Variants in SELENOO observed in about 807,000 individuals in gnomAD.
SELENOO encodes the protein selenoprotein O.
Under a neutral mutation model 58.7 loss-of-function variants are expected in SELENOO, and 74 were observed. The ratio of observed to expected loss-of-function variants is 1.26; its 90% confidence interval spans 1.04 to 1.53. SELENOO has a LOEUF of 1.53. Among genes scored for constraint, SELENOO ranks in the 40% most tolerant of loss-of-function variants. The pLI is 0.00. For synonymous variants in SELENOO, 543 were observed against 453.2 expected, an observed-to-expected ratio of 1.20 and a Z score of -2.52; for missense variants, 1,149 against 970.0, an observed-to-expected ratio of 1.18 and a Z score of -2.45.
rs1352077663 is a variant in SELENOO, at chr22:50,210,886, G to A, written c.1326G>A (p.Lys442=). The change falls in exon 5 of 9, where the codon AAG becomes AAA. Residue 442 remains lysine (K), a synonymous_variant. Transcript: ENST00000380903. ...ELEEDGALVS[K]LLETMHLTGA... ...AGGAAGACGGGGCGCTGGTGTCCAA[G>A]CTCCTGGAGACCATGCATCTGACCG... The A allele has an allele frequency of 6.2e-7, 1 of 1,614,124 alleles. No individual in the cohort carries two copies.
intron 3 of SELENOO, among the ~76,000 whole-genome samples, chr22:50,209,734 G>T (rs915270296): frequency 2.0e-5 from 3 of 152,178 alleles, no homozygotes; most frequent in Non-Finnish European, 4.4e-5. Flanking sequence ...CCCCCCTGTT[G>T]ATTGGCCCCT....
intron 1 of SELENOO, chr22:50,205,819 C>T (rs1007102051): frequency 2.4e-5 from 4 of 169,414 alleles, no homozygotes; most frequent in South Asian, 2.7e-4. Context: ...CCAGCGCTGT[C>T]GGAGCCTCGG....
intron 5 of SELENOO, among the ~76,000 whole-genome samples, chr22:50,214,042 C>CGTTTACAT (rs2064389563): frequency 6.6e-6 from 1 of 152,192 alleles, no homozygotes; most frequent in African/African-American, 2.4e-5. Context: ...ATTCTGCCAA[C>CGTTTACAT]GTTTACATTT....
chr22:50,208,215 A>G (rs1271397837), intron 2 of SELENOO, among the ~76,000 whole-genome samples: 1 of 152,112 alleles, frequency 6.6e-6, no homozygotes, highest in East Asian at 1.9e-4. Context: ...GTGGATCACG[A>G]GGTCAGGAGT....
chr22:50,210,778 G>C lies in SELENOO; in HGVS notation c.1218G>C (p.Leu406=). Residue 406 remains leucine (L), a synonymous_variant, in exon 5 of 9, where the codon CTG becomes CTC. Transcript: ENST00000380903. ...CCCTGGAGCTGGGGGAGGCCATCCT[G>C]GCCGAGGAGTTTGACGCCGAGTTCC... ...ELPLELGEAI[L]AEEFDAEFQR... 6.2e-7 allele frequency: 1 copy of C among 1,613,876 alleles called. No homozygotes were observed. The highest frequency in any genetic ancestry group is 8.5e-7 in the Non-Finnish European group (1 of 1,180,032).
chr22:50,213,394 C>G (rs1346854064), intron 5 of SELENOO, among the ~76,000 whole-genome samples: 1 of 152,110 alleles, frequency 6.6e-6, no homozygotes, highest in African/African-American at 2.4e-5. Context: ...AGCTTCATTC[C>G]ATTGTGACTA....
Position 50,217,278 on chromosome 22 carries a change from C to T in SELENOO, c.1919C>T (p.Thr640Met), listed in dbSNP as rs372550959. The T allele has an allele frequency of 2.4e-4, 393 of 1,612,262 alleles. 1 individual carries two copies. Among genetic ancestry groups the T allele is most frequent in the Admixed American group, 1.7e-4 (10 of 59,870 alleles). The part of the protein sequence containing the change: ...EAGAATDAEA[T>M]EADGADGRQR... Reference sequence around the variant, plus strand: ...GGGGCCGCCACAGACGCCGAGGCCACGGAAGCCGACGGGGCGGACGGCAGG... The same window carrying T: ...GGGGCCGCCACAGACGCCGAGGCCATGGAAGCCGACGGGGCGGACGGCAGG... The change falls in exon 9 of 9, where the codon ACG (threonine) becomes ATG (methionine). Residue 640 changes from threonine (T) to methionine (M), a missense_variant. Physicochemically the swap from Thr to Met is moderately conservative, Grantham distance 81 (BLOSUM62 -1). Transcript: ENST00000380903.
chr22:50,201,056 C>T lies in SELENOO; in HGVS notation c.20C>T (p.Ala7Val), dbSNP rs747989802. The T allele has an allele frequency of 4.4e-5, 59 of 1,348,738 alleles. No homozygotes were observed. In the East Asian group the frequency reaches 5.9e-4, roughly 14 times the overall value. The allele number at this position is 1,348,738 out of a possible 1,614,324, so 83.5% of individuals were successfully genotyped here. A position where few individuals can be genotyped will look rare whatever the true frequency, so the allele number is the denominator to read the frequency against. MAVYRAALGASLAAARL... is the reference protein window; with the variant it reads MAVYRAVLGASLAAARL... The stretch of plus-strand genomic sequence containing the variant: ...CCGCGGATGGCCGTATACAGGGCAG[C>T]GCTCGGGGCTTCGCTCGCGGCTGCC... The change falls in exon 1 of 9, where the codon GCG (alanine) becomes GTG (valine). Residue 7 changes from alanine (A) to valine (V), a missense_variant. Transcript: ENST00000380903.
chr22:50,214,445 C>T (rs1446998365), intron 5 of SELENOO, among the ~76,000 whole-genome samples: 1 of 152,220 alleles, frequency 6.6e-6, no homozygotes, highest in Non-Finnish European at 1.5e-5. Flanking sequence ...CATGGTGAAA[C>T]TCCATCTCTA....
chr22:50,211,277 C>G (rs371715815), intron 5 of SELENOO, among the ~76,000 whole-genome samples: 2 of 152,186 alleles, frequency 1.3e-5, no homozygotes, highest in Admixed American at 6.5e-5. Flanking sequence ...CTGGCTGTTG[C>G]GTACGGTGCA....
In SELENOO at chr22:50,215,709, T is replaced by A. The variant is rs1277147336; in HGVS notation, c.1352-8T>A. ...TGCTTCCAGCTCCCTGAGCAGCCTGTGTTCCAGGTGCCGACTTCACAAACA... is the reference window on the plus strand; with the variant it reads ...TGCTTCCAGCTCCCTGAGCAGCCTGAGTTCCAGGTGCCGACTTCACAAACA... On this transcript the variant is annotated splice_region_variant and splice_polypyrimidine_tract_variant and intron_variant, in intron 5 of 8. Coordinates refer to ENST00000380903, the MANE Select transcript of SELENOO (RefSeq NM_031454.2). 1.3e-6 allele frequency: 2 copies of A among 1,578,466 alleles called. No homozygotes were observed. Among genetic ancestry groups the A allele is most frequent in the Non-Finnish European group, 1.7e-6 (2 of 1,156,082 alleles).
chr22:50,214,857 C>T (rs1234481973), intron 5 of SELENOO, among the ~76,000 whole-genome samples: 1 of 152,194 alleles, frequency 6.6e-6, no homozygotes, highest in African/African-American at 2.4e-5. Context: ...CTTTCACTTC[C>T]AGCCTGTTCG....
chr22:50,201,586 T>C lies in SELENOO; in HGVS notation c.550T>C (p.Ser184Pro), dbSNP rs1193254499. Reference sequence around the variant, plus strand: ...CAAGGGCGCCGGGCCCACGCCCTTCTCCAGGTGGGCCGGGGCGGGCGAGGG... The same window carrying C: ...CAAGGGCGCCGGGCCCACGCCCTTCCCCAGGTGGGCCGGGGCGGGCGAGGG... ...QLKGAGPTPF[S>P]RQADGRKVLR... The change falls in exon 1 of 9, where the codon TCC (serine) becomes CCC (proline). Residue 184 changes from serine to proline, a missense_variant. By Grantham distance (74) the Ser-to-Pro change is moderately conservative. Transcript: ENST00000380903. 199 of 1,306,728 alleles carry C rather than the reference T, an allele frequency of 1.5e-4. No homozygotes were observed. Among genetic ancestry groups the C allele is most frequent in the Non-Finnish European group, 1.7e-4 (179 of 1,024,758 alleles). 80.9% of individuals were successfully genotyped at this position (1,306,728 alleles called of 1,614,324 possible).
chr22:50,208,616 G>T lies in SELENOO; in HGVS notation c.839G>T (p.Arg280Leu), dbSNP rs765715757. Reference protein sequence around the residue: ...AGPSVGRNDIRVQLLDYVISS... With the variant: ...AGPSVGRNDILVQLLDYVISS... ...CCCAGCGTGGGGAGGAACGACATTC[G>T]AGTGCAGCTGCTCGACTATGTCATC... The change falls in exon 3 of 9, where the codon CGA becomes CTA. Residue 280 changes from arginine to leucine, a missense_variant. Coordinates refer to ENST00000380903, the MANE Select transcript of SELENOO (RefSeq NM_031454.2). 1 of 1,613,926 alleles carries T rather than the reference G, an allele frequency of 6.2e-7. No individual in the cohort carries two copies. Among genetic ancestry groups the T allele is most frequent in the Non-Finnish European group, 8.5e-7 (1 of 1,180,020 alleles).
chr22:50,215,641 G>GGT (rs2064401392), intron 5 of SELENOO, 76 bp from the exon 6 acceptor site: 1 of 846,292 alleles, frequency 1.2e-6, no homozygotes, highest in Non-Finnish European at 1.6e-6. Flanking sequence ...GGGGTGGGGG[G>GGT]GGGGGGGTCT....
chr22:50,216,231 G>T (rs946088109), intron 6 of SELENOO, among the ~76,000 whole-genome samples: 1 of 152,226 alleles, frequency 6.6e-6, no homozygotes, highest in Non-Finnish European at 1.5e-5. Context: ...CGTGCAGGAT[G>T]AGACGTGGAA....
chr22:50,214,534 C>T (rs991129503), intron 5 of SELENOO, among the ~76,000 whole-genome samples: 3 of 152,016 alleles, frequency 2.0e-5, no homozygotes, highest in Non-Finnish European at 1.5e-5. Context: ...GCAGGAGAGG[C>T]GGAGGTTGCA....
intron 2 of SELENOO, among the ~76,000 whole-genome samples, chr22:50,206,966 A>G (rs1460834283): frequency 1.3e-5 from 2 of 152,102 alleles, no homozygotes; most frequent in Non-Finnish European, 2.9e-5. Flanking sequence ...ATGACAAGGA[A>G]CTACTTAGAC....
Position 50,210,649 on chromosome 22 carries a change from G to A in SELENOO, c.1089G>A (p.Val363=), listed in dbSNP as rs878947432. The change falls in exon 5 of 9, where the codon GTG becomes GTA. Residue 363 remains valine, a synonymous_variant. Coordinates refer to ENST00000380903, the MANE Select transcript of SELENOO (RefSeq NM_031454.2). The part of the protein sequence containing the change: ...GFLDRYDPDH[V]CNASDNTGRY... ...GTGGCAGGTACGACCCCGACCACGT[G>A]TGCAATGCCTCCGACAACACCGGCC... 1 of 1,612,920 alleles carries A rather than the reference G, an allele frequency of 6.2e-7. No individual in the cohort carries two copies. The highest frequency in any genetic ancestry group is 8.5e-7 in the Non-Finnish European group (1 of 1,179,842).
Sources: allele counts gnomAD v4.1 joint callset (sites outside exome capture counted in the v4.1 genomes callset), GRCh38; gene constraint gnomAD v4.1.1; transcripts MANE v1.5; gene names NCBI Gene and HGNC (gene_info 2026-07-23, HGNC 2026-07-21).